UNC5D: variants seen among roughly 807,000 people sequenced by gnomAD.
UNC5D encodes unc-5 netrin receptor D, also known as netrin receptor UNC5D.
In UNC5D, 39 loss-of-function variants were observed where a neutral mutation model predicts 105.4. The observed-to-expected ratio is 0.37, with a 90% CI of 0.29 to 0.48. The LOEUF (loss-of-function observed/expected upper bound fraction) is 0.48. UNC5D is among the 20% of genes least tolerant of loss of function. The probability of loss-of-function intolerance (pLI) is 0.98; values close to 1 mark genes in which losing one functional copy is unlikely to be tolerated. For synonymous variants in UNC5D, 452 were observed against 450.4 expected (o/e 1.00, Z -0.04); for missense variants, 991 against 1,202.4 (o/e 0.82, Z 2.60).
chr8:35,595,005 G>A (rs1187468057), intron 3 of UNC5D, among the ~76,000 whole-genome samples: 2 of 152,208 alleles, frequency 1.3e-5, no homozygotes, highest in African/African-American at 4.8e-5. Flanking sequence ...TGGTTGGATA[G>A]GTTATAGATT....
Position 35,519,723 on chromosome 8 carries a change from A to C in UNC5D, c.104-29569A>C, listed in dbSNP as rs77839620. ...TACTATAATGAAAATGCAAAAACTC[A>C]AAATACATGCATTGACAAAGGTGAA... On this transcript the variant is annotated intron_variant, in intron 1 of 16. Coordinates refer to ENST00000404895, the MANE Select transcript of UNC5D (RefSeq NM_080872.4). Among the ~76,000 whole-genome samples the C allele has an allele frequency of 4.5e-4, 68 of 152,248 alleles. 1 individual carries two copies. The East Asian group carries it at 0.013, about 29-fold the overall frequency.
intron 1 of UNC5D, among the ~76,000 whole-genome samples, chr8:35,376,149 T>G (rs1259694047): frequency 6.6e-6 from 1 of 152,152 alleles, no homozygotes; most frequent in Non-Finnish European, 1.5e-5. Flanking sequence ...ATCTAAAGAG[T>G]AAGTGATATG....
At chr8:35,670,279 A>G (rs1303064692) in intron 4 of UNC5D, among the ~76,000 whole-genome samples, 1 of 152,144 alleles carries the variant, frequency 6.6e-6, no homozygotes, top group Non-Finnish European at 1.5e-5. Flanking sequence ...TAGAATGGAT[A>G]TGATGATAAG....
At chr8:35,274,577 C>T (rs1805645109) in intron 1 of UNC5D, among the ~76,000 whole-genome samples, 2 of 152,134 alleles carry the variant, frequency 1.3e-5, no homozygotes, top group African/African-American at 4.8e-5. Flanking sequence ...AAGAGAACCT[C>T]CAAATCTCAT....
chr8:35,631,295 C>T (rs1211640980), intron 4 of UNC5D, among the ~76,000 whole-genome samples: 1 of 143,034 alleles, frequency 7.0e-6, no homozygotes, highest in Non-Finnish European at 1.5e-5. Context: ...GCCTGGGCAA[C>T]AGAGTGAGAC....
At chr8:35,312,706 G>A (rs1201810363) in intron 1 of UNC5D, among the ~76,000 whole-genome samples, 1 of 152,106 alleles carries the variant, frequency 6.6e-6, no homozygotes, top group Non-Finnish European at 1.5e-5. Context: ...TCTTATAAGG[G>A]CCGTCAGATC....
chr8:35,484,468 C>T (rs191271848), intron 1 of UNC5D, among the ~76,000 whole-genome samples: 47 of 152,218 alleles, frequency 3.1e-4, no homozygotes, highest in Admixed American at 1.6e-3. Flanking sequence ...CCAGTCTCCT[C>T]GCTCCCACAT....
rs139921051 is a variant in UNC5D, at chr8:35,401,751, A to T, written c.104-147541A>T. 1.9e-3 allele frequency among the ~76,000 whole-genome samples: 286 copies of T among 152,292 alleles called. 4 individuals carry two copies. Among genetic ancestry groups the T allele is most frequent in the Admixed American group, 0.016 (247 of 15,298 alleles). On this transcript the variant is annotated intron_variant, in intron 1 of 16. Transcript: ENST00000404895. ...TGCACCAGGTTCATATTCCAGAACA[A>T]ATTAAAGAAAAAAACATCTCTAATG...
chr8:35,751,611 G>T lies in UNC5D; in HGVS notation c.2163+802G>T, dbSNP rs117651970. On this transcript the variant is annotated intron_variant, in intron 13 of 16. Transcript: ENST00000404895. ...TTGGTTAGGTCAGATCTCTTTCACT[G>T]TAATAATTTTCTGTTATAATTTTCC... is the stretch of plus-strand genomic sequence containing the variant. 5.7e-3 allele frequency among the ~76,000 whole-genome samples: 865 copies of T among 152,272 alleles called. 4 individuals are homozygous for T. Among genetic ancestry groups the T allele is most frequent in the Non-Finnish European group, 6.3e-3 (426 of 68,026 alleles).
At chr8:35,669,681 A>AG (rs1389768995) in intron 4 of UNC5D, among the ~76,000 whole-genome samples, 1 of 152,128 alleles carries the variant, frequency 6.6e-6, no homozygotes, top group Middle Eastern at 3.2e-3. Context: ...TTATATCAAA[A>AG]GTGATCTTTT....
At chr8:35,558,994 A>G (rs1466826008) in intron 2 of UNC5D, among the ~76,000 whole-genome samples, 2 of 152,116 alleles carry the variant, frequency 1.3e-5, no homozygotes, top group African/African-American at 4.8e-5. Flanking sequence ...GGGGAAAAAA[A>G]AAAAGTCTGT....
At position 35,335,099 on chromosome 8, in the gene UNC5D, CTGTG is replaced by C. The variant is rs376140977; in HGVS notation, c.103+99218_103+99221del. Among the ~76,000 whole-genome samples, 85 of 152,268 alleles carry C rather than the reference CTGTG, an allele frequency of 5.6e-4. 1 individual carries two copies. The highest frequency in any genetic ancestry group is 1.9e-3 in the African/African-American group (79 of 41,548). The stretch of plus-strand genomic sequence containing the variant: ...TCACTTTGTTTGAGGTTCTTCTATG[CTGTG>C]TGTGTATCAGTAGTTTGTTGCTTTT... On this transcript the variant is annotated intron_variant, in intron 1 of 16. Transcript: ENST00000404895.
intron 1 of UNC5D, among the ~76,000 whole-genome samples, chr8:35,476,697 A>G (rs1450160730): frequency 3.3e-5 from 5 of 152,170 alleles, no homozygotes; most frequent in African/African-American, 1.2e-4. Flanking sequence ...GTCCTAGATT[A>G]GTCTCCAGTG....
At chr8:35,469,649 G>T (rs766300689) in intron 1 of UNC5D, among the ~76,000 whole-genome samples, 8 of 152,084 alleles carry the variant, frequency 5.3e-5, no homozygotes, top group Non-Finnish European at 1.0e-4. Context: ...AAGTAAAAAA[G>T]GTAGAGATTA....
At chr8:35,621,305 G>T (rs146157697) in intron 4 of UNC5D, among the ~76,000 whole-genome samples, 119 of 152,280 alleles carry the variant, frequency 7.8e-4, no homozygotes, top group African/African-American at 2.7e-3. Flanking sequence ...CGGGATCACA[G>T]TGTAGGGAGT....
intron 1 of UNC5D, among the ~76,000 whole-genome samples, chr8:35,472,326 A>T (rs1171575264): frequency 6.6e-6 from 1 of 152,120 alleles, no homozygotes; most frequent in Admixed American, 6.6e-5. Flanking sequence ...TAATGGTGTG[A>T]TGAGTGACTT....
chr8:35,505,270 G>T (rs1162132561), intron 1 of UNC5D, among the ~76,000 whole-genome samples: 1 of 152,218 alleles, frequency 6.6e-6, no homozygotes, highest in Non-Finnish European at 1.5e-5. Flanking sequence ...AAGGCTTAAT[G>T]CAGTAATCCC....
At position 35,517,181 on chromosome 8, in the gene UNC5D, T is replaced by C. The variant is rs79830904; in HGVS notation, c.104-32111T>C. Among the ~76,000 whole-genome samples, 997 of 152,260 alleles carry C rather than the reference T, an allele frequency of 6.5e-3. 17 individuals are homozygous for C. Among genetic ancestry groups the C allele is most frequent in the East Asian group, 0.064 (333 of 5,166 alleles). On this transcript the variant is annotated intron_variant, in intron 1 of 16. Coordinates refer to ENST00000404895, the MANE Select transcript of UNC5D (RefSeq NM_080872.4). ...GGCCTCCCCTCCCCAAAGCCACATATACTGCCCCATTTTCAGACACGTGCC... is the reference window on the plus strand; with the variant it reads ...GGCCTCCCCTCCCCAAAGCCACATACACTGCCCCATTTTCAGACACGTGCC...
At chr8:35,685,381 A>T (rs1196528834) in intron 6 of UNC5D, among the ~76,000 whole-genome samples, 10 of 152,224 alleles carry the variant, frequency 6.6e-5, no homozygotes, top group Non-Finnish European at 1.3e-4. Context: ...AACGATAAAT[A>T]GATGAGATGG....
Sources: gnomAD v4.1 joint callset for allele counts (sites outside exome capture counted in the v4.1 genomes callset) on GRCh38, gnomAD v4.1.1 for gene constraint, MANE v1.5 for transcripts, NCBI Gene and HGNC (gene_info 2026-07-23, HGNC 2026-07-21) for gene names.